The following CDC42EP2 variants were observed in gnomAD, a reference collection of about 807,000 sequenced individuals.
The protein encoded by CDC42EP2 is CDC42 effector protein 2.
In CDC42EP2, 5 loss-of-function variants were observed where a neutral mutation model predicts 7.3. That is an observed-to-expected ratio of 0.68 (90% CI 0.36 to 1.44). The LOEUF (loss-of-function observed/expected upper bound fraction) is 1.44, where lower values mean the gene tolerates loss of function less well. CDC42EP2 is among the 40% of genes most tolerant of loss of function. The pLI, the probability that CDC42EP2 is intolerant of heterozygous loss-of-function variation, is 0.04. For missense variants in CDC42EP2, 251 were observed against 282.6 expected (o/e 0.89, Z 0.80); for synonymous variants, 113 against 123.6 (o/e 0.91, Z 0.57).
Position 65,321,201 on chromosome 11 carries a change from C to A in CDC42EP2, c.303C>A (p.Ser101=), listed in dbSNP as rs767646569. The A allele has an allele frequency of 6.2e-7, 1 of 1,614,060 alleles. No homozygotes were observed. The highest frequency in any genetic ancestry group is 2.2e-5 in the East Asian group (1 of 44,878). Residue 101 remains serine, a synonymous_variant, in exon 2 of 2, where the codon TCC becomes TCA. Transcript: ENST00000279249. This position sits in a 1 kb window ranked among gnomAD's most constrained non-coding sequence, Gnocchi z 4.4. Reference sequence around the variant, plus strand: ...GGCGGGAGCTCCCGGACGGCCCATCCCCTCTGCTCAAGAACGCCATCTCCC... The same window carrying A: ...GGCGGGAGCTCCCGGACGGCCCATCACCTCTGCTCAAGAACGCCATCTCCC... ...VCGRELPDGP[S]PLLKNAISLP...
Position 65,315,384 on chromosome 11 carries a change from T to G in CDC42EP2, c.-356+430T>G, listed in dbSNP as rs1279178164. Among the ~76,000 whole-genome samples, 10 of 149,178 alleles carry G rather than the reference T, an allele frequency of 6.7e-5. No homozygotes were observed. The highest frequency in any genetic ancestry group is 2.0e-4 in the African/African-American group (8 of 40,314). On this transcript the variant is annotated intron_variant, in intron 1 of 1. Transcript: ENST00000279249. This position sits in a 1 kb window ranked among gnomAD's most constrained non-coding sequence, Gnocchi z 4.1. ...CCGCCCGGGTAGGAGTGGGGAGGGG[T>G]CGGCGCAGGAACCCGAGCCGGAGCT...
intron 1 of CDC42EP2, chr11:65,317,178 C>T (rs1444318739): frequency 6.6e-6 from 1 of 152,316 alleles, no homozygotes; most frequent in Non-Finnish European, 1.5e-5. Flanking sequence ...GCAAGCTGAG[C>T]TGGATTTCCG....
Position 65,315,663 on chromosome 11 carries a change from G to A in CDC42EP2, c.-356+709G>A, listed in dbSNP as rs917380382. 6.6e-6 allele frequency among the ~76,000 whole-genome samples: 1 copy of A among 152,240 alleles called. No homozygotes were observed. The highest frequency in any genetic ancestry group is 2.4e-5 in the African/African-American group (1 of 41,478). On this transcript the variant is annotated intron_variant, in intron 1 of 1. Transcript: ENST00000279249. This position sits in a 1 kb window ranked among gnomAD's most constrained non-coding sequence, Gnocchi z 4.1. ...GCAGCTCCTTGGGGACCGCCTGCCT[G>A]GAGCCCGGGGGAGGGGCGCTGGAGA...
chr11:65,319,285 C>T (rs1463596788), intron 1 of CDC42EP2, among the ~76,000 whole-genome samples: 4 of 151,954 alleles, frequency 2.6e-5, no homozygotes, highest in Admixed American at 6.6e-5. Context: ...TGAACCACCA[C>T]GCCTGGCTAA....
chr11:65,317,153 T>A (rs1347782511), intron 1 of CDC42EP2: 1 of 152,172 alleles, frequency 6.6e-6, no homozygotes, highest in African/African-American at 2.4e-5. Flanking sequence ...GTCCCCACCC[T>A]TCCCCCAGCT....
intron 1 of CDC42EP2, among the ~76,000 whole-genome samples, chr11:65,316,008 T>C (rs971486357): frequency 3.9e-5 from 6 of 152,214 alleles, no homozygotes. Context: ...CTATTGTACA[T>C]TGGCGCTCTC....
Position 65,320,999 on chromosome 11 carries a change from T to C in CDC42EP2, c.101T>C (p.Leu34Pro), listed in dbSNP as rs766759614. Residue 34 changes from leucine to proline, a missense_variant, in exon 2 of 2, where the codon CTG (leucine) becomes CCG (proline). Leu to Pro is a moderately conservative substitution (Grantham distance 98, BLOSUM62 -3). Coordinates refer to ENST00000279249, the MANE Select transcript of CDC42EP2 (RefSeq NM_006779.4). Reference protein sequence around the residue: ...LLSSDMISPPLGDFRHTIHIG... With the variant: ...LLSSDMISPPPGDFRHTIHIG... The stretch of plus-strand genomic sequence containing the variant: ...TCCTCGGACATGATCAGCCCACCGC[T>C]GGGGGACTTCCGCCACACCATTCAT... 4 of 1,614,060 alleles carry C rather than the reference T, an allele frequency of 2.5e-6. No homozygotes were observed. In the Admixed American group the frequency reaches 5.0e-5, roughly 20 times the overall value.
In CDC42EP2 at chr11:65,320,817, C is replaced by T; in HGVS notation, c.-82C>T. On this transcript the variant is annotated 5_prime_UTR_variant, in exon 2 of 2. Transcript: ENST00000279249. The stretch of plus-strand genomic sequence containing the variant: ...AAACCACCCCGTGGAACGAGTGTTT[C>T]CTCTGGCTGAGGGTTGGAGAGGAGG... The T allele has an allele frequency of 6.9e-7, 1 of 1,448,042 alleles. No homozygotes were observed. The highest frequency in any genetic ancestry group is 1.3e-5 in the South Asian group (1 of 75,004). The allele number at this position is 1,448,042 out of a possible 1,614,324, so 89.7% of individuals were successfully genotyped here.
At position 65,320,653 on chromosome 11, in the gene CDC42EP2, G is replaced by A. The variant is rs538498465; in HGVS notation, c.-246G>A. 7.7e-5 allele frequency: 39 copies of A among 507,058 alleles called. No individual in the cohort carries two copies. Among genetic ancestry groups the A allele is most frequent in the African/African-American group, 3.8e-4 (20 of 52,504 alleles). 31.4% of individuals were successfully genotyped at this position (507,058 alleles called of 1,614,324 possible). ...CTTCAATTCTTCAGAAGAGTTTGCC[G>A]TCCTTTGGGGAGAACGTGATTTTTG... On this transcript the variant is annotated 5_prime_UTR_variant, in exon 2 of 2. Transcript: ENST00000279249.
Position 65,321,314 on chromosome 11 carries a change from A to G in CDC42EP2, c.416A>G (p.Gln139Arg). ...KPPRLHLETP[Q>R]PSPQEGGSVD... is the part of the protein sequence containing the mutation. ...CCTCGCCTGCACCTGGAGACCCCTCAGCCTTCCCCACAGGAGGGAGGGAGT... is the reference window on the plus strand; with the variant it reads ...CCTCGCCTGCACCTGGAGACCCCTCGGCCTTCCCCACAGGAGGGAGGGAGT... Residue 139 changes from glutamine to arginine, a missense_variant, in exon 2 of 2, where the codon CAG becomes CGG. Coordinates refer to ENST00000279249, the MANE Select transcript of CDC42EP2 (RefSeq NM_006779.4). This position sits in a 1 kb window ranked among gnomAD's most constrained non-coding sequence, Gnocchi z 4.4. The G allele has an allele frequency of 1.2e-6, 2 of 1,613,908 alleles. No homozygotes were observed. Among genetic ancestry groups the G allele is most frequent in the Non-Finnish European group, 8.5e-7 (1 of 1,179,984 alleles).
At position 65,321,693 on chromosome 11, in the gene CDC42EP2, A is replaced by C. The variant is rs1949976300; in HGVS notation, c.*162A>C. 2 of 674,362 alleles carry C rather than the reference A, an allele frequency of 3.0e-6. No individual in the cohort carries two copies. The highest frequency in any genetic ancestry group is 5.1e-6 in the Non-Finnish European group (2 of 391,782). 41.8% of individuals were successfully genotyped at this position (674,362 alleles called of 1,614,324 possible). A position where few individuals can be genotyped will look rare whatever the true frequency, so the allele number is the denominator to read the frequency against. On this transcript the variant is annotated 3_prime_UTR_variant, in exon 2 of 2. Coordinates refer to ENST00000279249, the MANE Select transcript of CDC42EP2 (RefSeq NM_006779.4). The surrounding 1 kb of genome is among the most constrained non-coding windows in gnomAD (Gnocchi z 4.4). Reference sequence around the variant, plus strand: ...GTGTTTCCCCTCTCCCTCCCTCTCCACGTGGGCAGGGCAGGCCCCATCGCT... The same window carrying C: ...GTGTTTCCCCTCTCCCTCCCTCTCCCCGTGGGCAGGGCAGGCCCCATCGCT...
In CDC42EP2 at chr11:65,321,011, G is replaced by T. The variant is rs754193100; in HGVS notation, c.113G>T (p.Arg38Leu). 1 of 1,613,984 alleles carries T rather than the reference G, an allele frequency of 6.2e-7. No individual in the cohort carries two copies. Among genetic ancestry groups the T allele is most frequent in the Admixed American group, 1.7e-5 (1 of 60,014 alleles). Reference protein sequence around the residue: ...DMISPPLGDFRHTIHIGSGGG... With the variant: ...DMISPPLGDFLHTIHIGSGGG... ...ATCAGCCCACCGCTGGGGGACTTCC[G>T]CCACACCATTCATATTGGCAGTGGC... The change falls in exon 2 of 2, where the codon CGC becomes CTC. Residue 38 changes from arginine to leucine, a missense_variant. Coordinates refer to ENST00000279249, the MANE Select transcript of CDC42EP2 (RefSeq NM_006779.4). The surrounding 1 kb of genome is among the most constrained non-coding windows in gnomAD (Gnocchi z 4.4).
At chr11:65,319,909 A>C (rs1455891908) in intron 1 of CDC42EP2, among the ~76,000 whole-genome samples, 2 of 152,206 alleles carry the variant, frequency 1.3e-5, no homozygotes, top group Non-Finnish European at 2.9e-5. Flanking sequence ...GTATGGTATG[A>C]GTACCTGGAT....
In CDC42EP2 at chr11:65,321,595, G is replaced by A. The variant is rs536241564; in HGVS notation, c.*64G>A. On this transcript the variant is annotated 3_prime_UTR_variant, in exon 2 of 2. Coordinates refer to ENST00000279249, the MANE Select transcript of CDC42EP2 (RefSeq NM_006779.4). This position sits in a 1 kb window ranked among gnomAD's most constrained non-coding sequence, Gnocchi z 4.4. ...CAGCCAGGAGGTGGGGTGTGGACCC[G>A]GCCCTGGCGGCGGAGTCAGGGTCCC... 87 of 1,470,900 alleles carry A rather than the reference G, an allele frequency of 5.9e-5. 1 individual carries two copies. In the African/African-American group the frequency reaches 9.6e-4, roughly 16 times the overall value. 91.1% of individuals were successfully genotyped at this position (1,470,900 alleles called of 1,614,324 possible).
intron 1 of CDC42EP2, among the ~76,000 whole-genome samples, chr11:65,319,927 A>G (rs1949965913): frequency 6.6e-6 from 1 of 152,208 alleles, no homozygotes; most frequent in Non-Finnish European, 1.5e-5. Context: ...GATAAGGGTG[A>G]TGAGACCTAC....
chr11:65,315,990 G>C lies in CDC42EP2; in HGVS notation c.-356+1036G>C, dbSNP rs1007933702. 6.6e-6 allele frequency among the ~76,000 whole-genome samples: 1 copy of C among 152,212 alleles called. No individual in the cohort carries two copies. Among genetic ancestry groups the C allele is most frequent in the Non-Finnish European group, 1.5e-5 (1 of 68,028 alleles). On this transcript the variant is annotated intron_variant, in intron 1 of 1. Transcript: ENST00000279249. This position sits in a 1 kb window ranked among gnomAD's most constrained non-coding sequence, Gnocchi z 4.1. ...ATGATAAAACCTACAGTGACCCGCTGAACCCCGCTATTGTACATTGGCGCT... is the reference window on the plus strand; with the variant it reads ...ATGATAAAACCTACAGTGACCCGCTCAACCCCGCTATTGTACATTGGCGCT...
At position 65,320,841 on chromosome 11, in the gene CDC42EP2, G is replaced by C; in HGVS notation, c.-58G>C. 1 of 1,533,242 alleles carries C rather than the reference G, an allele frequency of 6.5e-7. No homozygotes were observed. The highest frequency in any genetic ancestry group is 1.2e-5 in the South Asian group (1 of 80,424). 95.0% of individuals were successfully genotyped at this position (1,533,242 alleles called of 1,614,324 possible). On this transcript the variant is annotated 5_prime_UTR_variant, in exon 2 of 2. Transcript: ENST00000279249. ...TCCTCTGGCTGAGGGTTGGAGAGGA[G>C]GTGTGGTCTCAGCAGGCGGCCCGTA...
chr11:65,319,458 T>C (rs966743267), intron 1 of CDC42EP2, among the ~76,000 whole-genome samples: 1 of 152,160 alleles, frequency 6.6e-6, no homozygotes, highest in African/African-American at 2.4e-5. Flanking sequence ...ATAGGGTTGA[T>C]AATAGGGTGG....
chr11:65,317,442 A>T (rs1949953341), intron 1 of CDC42EP2, among the ~76,000 whole-genome samples: 1 of 150,232 alleles, frequency 6.7e-6, no homozygotes, highest in Admixed American at 6.6e-5. Flanking sequence ...ATGAAAACTG[A>T]GGCAAAGAAC....
Sources: allele counts gnomAD v4.1 joint callset (sites outside exome capture counted in the v4.1 genomes callset), GRCh38; gene constraint gnomAD v4.1.1; non-coding constraint Gnocchi (gnomAD v3.1); transcripts MANE v1.5; gene names NCBI Gene and HGNC (gene_info 2026-07-23, HGNC 2026-07-21).